The following DMD variants were observed in gnomAD, a reference collection of about 807,000 sequenced individuals.
DMD encodes mutant dystrophin.
In DMD, 63 loss-of-function variants were observed where a neutral mutation model predicts 330.1. The ratio of observed to expected loss-of-function variants is 0.19; its 90% CI spans 0.16 to 0.24. DMD has a LOEUF of 0.24. DMD is among the 10% of genes least tolerant of loss of function. DMD has a pLI of 1.00. For synonymous variants in DMD, 1,223 were observed against 959.8 expected, an observed-to-expected ratio of 1.27 and a Z score of -5.07; for missense variants, 3,344 against 2,684.1, an observed-to-expected ratio of 1.25 and a Z score of -5.43.
At chrX:31,750,642 C>T (rs1417464623) in intron 51 of DMD, among the ~76,000 whole-genome samples, 3 of 110,246 alleles carry the variant, frequency 2.7e-5, no homozygotes, top group African/African-American at 9.9e-5. Context: ...GAAGTTCTGG[C>T]CAGGGCAATC....
chrX:31,130,808 C>A lies in DMD; in HGVS notation c.11014+3294G>T, dbSNP rs150430561. On this transcript the variant is annotated intron_variant, in intron 77 of 78. Transcript: ENST00000357033. ...AAAGGTTAGCTGACACCTTCAGGAC[C>A]AACTCTGTGGCAAGGGGCAACAGAA... Among the ~76,000 whole-genome samples the A allele has an allele frequency of 9.5e-3, 1,064 of 111,759 alleles. 12 individuals carry two copies. The highest frequency in any genetic ancestry group is 0.032 in the African/African-American group (995 of 30,810).
chrX:32,490,546 C>A lies in DMD; in HGVS notation c.2622+731G>T, dbSNP rs1242630414. 2.7e-5 allele frequency among the ~76,000 whole-genome samples: 3 copies of A among 111,219 alleles called. 1 individual carries two copies. The highest frequency in any genetic ancestry group is 1.9e-4 in the Admixed American group (2 of 10,446). ...AAGTTTAGTCAGTGAGGAGCCCTGA[C>A]AAGATTCTGGAGGCAGGGAAAAAAG... On this transcript the variant is annotated intron_variant, in intron 20 of 78. Transcript: ENST00000357033.
chrX:32,971,577 A>G (rs941741716), intron 2 of DMD, among the ~76,000 whole-genome samples: 4 of 111,562 alleles, frequency 3.6e-5, no homozygotes, highest in African/African-American at 1.3e-4. Flanking sequence ...AATGCCTGTT[A>G]CACATGCCAC....
intron 7 of DMD, among the ~76,000 whole-genome samples, chrX:32,806,989 C>T (rs746363866): frequency 1.8e-5 from 2 of 108,615 alleles, no homozygotes; most frequent in East Asian, 2.9e-4. Context: ...CAGGAGAAAG[C>T]GGGAAAGATC....
At chrX:31,787,135 G>T (rs981125045) in intron 50 of DMD, among the ~76,000 whole-genome samples, 2 of 111,811 alleles carry the variant, frequency 1.8e-5, no homozygotes, top group African/African-American at 6.5e-5. Context: ...CACTTTGGGA[G>T]GCTGAGGTGG....
rs183686400 is a variant in DMD, at chrX:31,595,258, C to T, written c.8217+32415G>A. 2.6e-3 allele frequency among the ~76,000 whole-genome samples: 291 copies of T among 111,508 alleles called. 1 individual carries two copies. The highest frequency in any genetic ancestry group is 9.1e-3 in the African/African-American group (280 of 30,813). On this transcript the variant is annotated intron_variant, in intron 55 of 78. Coordinates refer to ENST00000357033, the MANE Select transcript of DMD (RefSeq NM_004006.3). ...TTCAATATGCTTCCATTTTCCACTT[C>T]TGAAGATCTGTTTCGGCTCATGGTA...
At chrX:32,957,277 A>C (rs1362085127) in intron 2 of DMD, among the ~76,000 whole-genome samples, 1 of 111,562 alleles carries the variant, frequency 9.0e-6, no homozygotes, top group Non-Finnish European at 1.9e-5. Context: ...GGGGAATGCT[A>C]ACTTAAGAAA....
chrX:32,472,918 C>T (rs1311724163), intron 21 of DMD, among the ~76,000 whole-genome samples: 1 of 110,153 alleles, frequency 9.1e-6, no homozygotes, highest in Non-Finnish European at 1.9e-5. Flanking sequence ...ATCCCAATTG[C>T]AATTGAGAAA....
chrX:31,972,633 A>C lies in DMD; in HGVS notation c.6439-4119T>G, dbSNP rs895152849. ...AAAATGCAACTGGAAGAAAAGATAA[A>C]TACAGGGAAATAGAGGGAAGAAAAA... On this transcript the variant is annotated intron_variant, in intron 44 of 78. Coordinates refer to ENST00000357033, the MANE Select transcript of DMD (RefSeq NM_004006.3). Among the ~76,000 whole-genome samples, 4 of 111,629 alleles carry C rather than the reference A, an allele frequency of 3.6e-5. No homozygotes were observed. In the Admixed American group the frequency reaches 3.8e-4, roughly 11 times the overall value.
chrX:32,302,647 G>A (rs1397778152), intron 42 of DMD, among the ~76,000 whole-genome samples: 2 of 111,265 alleles, frequency 1.8e-5, no homozygotes, highest in Admixed American at 9.6e-5. Context: ...ATTCTTAAAG[G>A]TAATTTGTTT....
At chrX:32,722,447 T>C (rs946684565) in intron 7 of DMD, among the ~76,000 whole-genome samples, 2 of 110,588 alleles carry the variant, frequency 1.8e-5, no homozygotes, top group Admixed American at 1.9e-4. Context: ...CTATGCCATT[T>C]TGTATAAGGG....
At chrX:32,192,899 G>T (rs1248591367) in intron 44 of DMD, among the ~76,000 whole-genome samples, 1 of 112,031 alleles carries the variant, frequency 8.9e-6, no homozygotes, top group East Asian at 2.8e-4. Context: ...ATTTGGATAT[G>T]TGTCCCCGCC....
intron 16 of DMD, among the ~76,000 whole-genome samples, chrX:32,545,662 G>A (rs774373532): frequency 5.4e-5 from 6 of 111,443 alleles, no homozygotes; most frequent in East Asian, 2.8e-4. Flanking sequence ...TCTACATGCT[G>A]TTTAAAATGT....
chrX:31,776,094 A>C (rs941350888), intron 50 of DMD, among the ~76,000 whole-genome samples: 4 of 111,920 alleles, frequency 3.6e-5, no homozygotes, highest in Admixed American at 1.9e-4. Flanking sequence ...GAAATCATGG[A>C]AGCAAAAAGA....
chrX:32,132,797 C>A (rs978381862), intron 44 of DMD, among the ~76,000 whole-genome samples: 6 of 110,245 alleles, frequency 5.4e-5, no homozygotes, highest in African/African-American at 2.0e-4. Flanking sequence ...TATTCAGATT[C>A]ATTGAATACC....
chrX:31,374,881 C>T (rs1250599655), intron 60 of DMD, among the ~76,000 whole-genome samples: 1 of 111,049 alleles, frequency 9.0e-6, no homozygotes, highest in Non-Finnish European at 1.9e-5. Context: ...TAGTAGACAC[C>T]GTGGCGCTCC....
At chrX:31,263,625 G>C (rs1164643464) in intron 62 of DMD, among the ~76,000 whole-genome samples, 1 of 111,592 alleles carries the variant, frequency 9.0e-6, no homozygotes, top group East Asian at 2.8e-4. Flanking sequence ...TGGGGGACTT[G>C]AATAACATAG....
At chrX:33,268,626 T>C (rs987033205) in intron 1 of DMD, among the ~76,000 whole-genome samples, 3 of 111,823 alleles carry the variant, frequency 2.7e-5, no homozygotes, top group Non-Finnish European at 3.8e-5. Context: ...AGAATGGCTA[T>C]TATTTAAAAG....
At chrX:32,973,394 G>T (rs990126739) in intron 2 of DMD, among the ~76,000 whole-genome samples, 2 of 112,191 alleles carry the variant, frequency 1.8e-5, no homozygotes, top group African/African-American at 6.5e-5. Flanking sequence ...GGGTGAGTTT[G>T]TAACTACTTC....
Sources: allele counts gnomAD v4.1 joint callset (sites outside exome capture counted in the v4.1 genomes callset), GRCh38; gene constraint gnomAD v4.1.1; transcripts MANE v1.5; gene names NCBI Gene and HGNC (gene_info 2026-07-23, HGNC 2026-07-21).